The following RSF1 variants were observed in gnomAD, a reference collection of about 807,000 sequenced individuals.
RSF1 encodes the protein remodeling and spacing factor 1.
A neutral mutation model predicts 145.2 loss-of-function variants in RSF1; 13 were observed. That is an observed-to-expected ratio of 0.09 (90% confidence interval 0.06 to 0.14). The LOEUF (loss-of-function observed/expected upper bound fraction) is 0.14. RSF1 is among the 10% of genes least tolerant of loss of function. The pLI is 1.00. For synonymous variants in RSF1, 577 were observed against 592.6 expected (o/e 0.97, Z 0.38); for missense variants, 1,517 against 1,718.2 (o/e 0.88, Z 2.07).
At chr11:77,810,868 T>A (rs980218910) in intron 1 of RSF1, among the ~76,000 whole-genome samples, 1 of 152,206 alleles carries the variant, frequency 6.6e-6, no homozygotes, top group Non-Finnish European at 1.5e-5. Context: ...TAAAGATCAG[T>A]AAATTTTTTT....
At chr11:77,844,388 A>C in the RSF1 span, among the ~76,000 whole-genome samples, 1 of 151,926 alleles carries the variant, frequency 6.6e-6, no homozygotes, top group East Asian at 1.9e-4. Context: ...TTTTGGAGAC[A>C]GTCTCCCTCT....
intron 7 of RSF1, among the ~76,000 whole-genome samples, chr11:77,697,903 T>C (rs887800040): frequency 1.3e-5 from 2 of 152,218 alleles, no homozygotes; most frequent in African/African-American, 4.8e-5. Context: ...ACTACATTAT[T>C]ACTTGACTTA....
chr11:77,687,526 C>A (rs189635519), intron 9 of RSF1, among the ~76,000 whole-genome samples: 26 of 151,790 alleles, frequency 1.7e-4, no homozygotes, highest in African/African-American at 5.8e-4. Flanking sequence ...GCCAACATGG[C>A]AAAACCCCAT....
At chr11:77,767,307 AG>A (rs1948236283) in intron 1 of RSF1, among the ~76,000 whole-genome samples, 1 of 152,146 alleles carries the variant, frequency 6.6e-6, no homozygotes. Flanking sequence ...TCCTTTCCCT[AG>A]GACATGACTA....
intron 1 of RSF1, among the ~76,000 whole-genome samples, chr11:77,778,960 T>C (rs191105190): frequency 1.3e-5 from 2 of 152,348 alleles, no homozygotes; most frequent in Admixed American, 1.3e-4. Flanking sequence ...CATTCATTTT[T>C]TGGAGACAGA....
chr11:77,769,096 C>T (rs1026598244), intron 1 of RSF1, among the ~76,000 whole-genome samples: 3 of 152,056 alleles, frequency 2.0e-5, no homozygotes, highest in Admixed American at 6.6e-5. Context: ...CTCGCTCTGT[C>T]GCCCAGGCTG....
intron 1 of RSF1, among the ~76,000 whole-genome samples, chr11:77,785,553 G>A (rs755864842): frequency 9.2e-5 from 14 of 151,536 alleles, no homozygotes; most frequent in African/African-American, 1.9e-4. Context: ...TCATGCCATT[G>A]CACTCCAGCC....
intron 1 of RSF1, among the ~76,000 whole-genome samples, chr11:77,800,999 T>C (rs1282288586): frequency 6.7e-6 from 1 of 148,958 alleles, no homozygotes; most frequent in African/African-American, 2.5e-5. Context: ...AGCCAGGCCT[T>C]CTCTCTCTCT....
At chr11:77,674,063 T>C (rs1196946951) in intron 14 of RSF1, among the ~76,000 whole-genome samples, 1 of 152,210 alleles carries the variant, frequency 6.6e-6, no homozygotes, top group African/African-American at 2.4e-5. Context: ...GTAATAGCAT[T>C]ATATCAATGT....
chr11:77,812,123 C>T (rs1400648895), intron 1 of RSF1, among the ~76,000 whole-genome samples: 2 of 152,178 alleles, frequency 1.3e-5, no homozygotes, highest in African/African-American at 4.8e-5. Context: ...AGGTTGCAGT[C>T]AGCAGAGAAC....
chr11:77,802,798 G>A (rs1008395439), intron 1 of RSF1, among the ~76,000 whole-genome samples: 5 of 151,970 alleles, frequency 3.3e-5, no homozygotes, highest in Non-Finnish European at 5.9e-5. Context: ...TGATCCATCC[G>A]CCTTGGCCTC....
intron 3 of RSF1, among the ~76,000 whole-genome samples, chr11:77,741,988 G>A (rs922715735): frequency 6.6e-6 from 1 of 152,118 alleles, no homozygotes; most frequent in Non-Finnish European, 1.5e-5. Flanking sequence ...TGACCTCCAG[G>A]TTCAACCGTG....
At chr11:77,828,147 C>T in the RSF1 span, among the ~76,000 whole-genome samples, 1 of 151,938 alleles carries the variant, frequency 6.6e-6, no homozygotes, top group Non-Finnish European at 1.5e-5. Context: ...TGGTGATGCG[C>T]ACCTGTAATC....
At chr11:77,675,637 T>C (rs968478644) in intron 13 of RSF1, among the ~76,000 whole-genome samples, 1 of 152,180 alleles carries the variant, frequency 6.6e-6, no homozygotes, top group Admixed American at 6.5e-5. Flanking sequence ...TATCCTAACT[T>C]TCCCCTTTTC....
intron 13 of RSF1, among the ~76,000 whole-genome samples, chr11:77,676,292 T>G (rs1316974007): frequency 3.4e-5 from 5 of 148,310 alleles, no homozygotes; most frequent in South Asian, 2.1e-4. Context: ...TTTTTTTTTT[T>G]TGTGGTTTAT....
chr11:77,725,311 T>C (rs1961026649), intron 5 of RSF1, among the ~76,000 whole-genome samples: 1 of 152,236 alleles, frequency 6.6e-6, no homozygotes, highest in African/African-American at 2.4e-5. Context: ...TATTATGTTT[T>C]GATGATCTGA....
chr11:77,853,949 A>G, the RSF1 span, among the ~76,000 whole-genome samples: 2 of 151,800 alleles, frequency 1.3e-5, 1 homozygote, highest in South Asian at 4.1e-4. Context: ...TCAAAAAAAT[A>G]AACAAATAAA....
chr11:77,688,400 C>T (rs1210757153), intron 9 of RSF1, among the ~76,000 whole-genome samples: 9 of 152,136 alleles, frequency 5.9e-5, no homozygotes, highest in Non-Finnish European at 8.8e-5. Flanking sequence ...CTGCTAATTT[C>T]TGAAAAGGAT....
At chr11:77,859,808 G>T in the RSF1 span, among the ~76,000 whole-genome samples, 1 of 152,204 alleles carries the variant, frequency 6.6e-6, no homozygotes, top group East Asian at 1.9e-4. Context: ...AAGAAATGTG[G>T]CTGGGTTAAG....
Sources: allele counts gnomAD v4.1 joint callset (sites outside exome capture counted in the v4.1 genomes callset), GRCh38; gene constraint gnomAD v4.1.1; transcripts MANE v1.5; gene names NCBI Gene and HGNC (gene_info 2026-07-23, HGNC 2026-07-21).